Variants in FLOT2 observed in about 807,000 individuals in gnomAD.
FLOT2 encodes flotillin-2.
In FLOT2, 35 loss-of-function variants were observed where a neutral mutation model predicts 54.9. The observed-to-expected ratio is 0.64, with a 90% CI of 0.49 to 0.84. The LOEUF is 0.84. Ranked by LOEUF, FLOT2 falls within the 40% of genes least tolerant of loss-of-function variation. The pLI is 0.00. For synonymous variants in FLOT2, 207 were observed against 228.9 expected (o/e 0.90, Z 0.86); for missense variants, 464 against 572.1 (o/e 0.81, Z 1.93).
Position 28,884,228 on chromosome 17 carries a change from G to A in FLOT2, c.219C>T (p.Ala73=). 6.2e-7 allele frequency: 1 copy of A among 1,611,354 alleles called. No homozygotes were observed. The highest frequency in any genetic ancestry group is 1.1e-5 in the South Asian group (1 of 91,046). The change falls in exon 3 of 11, where the codon GCC becomes GCT. Residue 73 remains alanine (A), a synonymous_variant. Transcript: ENST00000394908. The surrounding 1 kb of genome is among the most constrained non-coding windows in gnomAD (Gnocchi z 5.1). ...EGVALTVTGV[A]QVKIMTEKEL... is the part of the protein sequence containing the mutation. ...CAGGGCTGCTGAGTTACTATACCTG[G>A]GCGACACCCGTCACAGTTAAAGCTA...
chr17:28,891,431 C>T (rs996594966), intron 1 of FLOT2, among the ~76,000 whole-genome samples: 3 of 152,200 alleles, frequency 2.0e-5, no homozygotes, highest in Non-Finnish European at 4.4e-5. Context: ...GAGAAACACA[C>T]ACCACTTTGC....
intron 8 of FLOT2, 24 bp downstream of exon 8, chr17:28,881,790 C>T (rs769732034): frequency 1.2e-6 from 2 of 1,608,620 alleles, no homozygotes; most frequent in Admixed American, 3.3e-5. Flanking sequence ...TAAGCCCTGA[C>T]CCCGGCACCT....
At chr17:28,885,698 AG>A (rs138582011) in intron 2 of FLOT2, 3 of 719,040 alleles carry the variant, frequency 4.2e-6, no homozygotes, top group Non-Finnish European at 7.8e-6. Context: ...GGGGATGTAC[AG>A]GGATCCATCC....
chr17:28,881,784 C>T (rs2039452591), intron 8 of FLOT2, 30 bp downstream of exon 8: 2 of 1,604,670 alleles, frequency 1.2e-6, no homozygotes, highest in African/African-American at 1.3e-5. Flanking sequence ...CCTGACTAAG[C>T]CCTGACCCCG....
In FLOT2 at chr17:28,897,605, C is replaced by A. The variant is rs944573578; in HGVS notation, c.-31G>T. 1 of 1,551,458 alleles carries A rather than the reference C, an allele frequency of 6.4e-7. No individual in the cohort carries two copies. ...CGGCGGCACGGAGGGCCCTCGGGACCGCACAGACCCGGACAACAGCAGCGG... is the reference window on the plus strand; with the variant it reads ...CGGCGGCACGGAGGGCCCTCGGGACAGCACAGACCCGGACAACAGCAGCGG... On this transcript the variant is annotated 5_prime_UTR_variant, in exon 1 of 11. Coordinates refer to ENST00000394908, the MANE Select transcript of FLOT2 (RefSeq NM_004475.3). The surrounding 1 kb of genome is among the most constrained non-coding windows in gnomAD (Gnocchi z 4.4).
At chr17:28,896,476 G>A (rs1026470927) in intron 1 of FLOT2, among the ~76,000 whole-genome samples, 2 of 152,152 alleles carry the variant, frequency 1.3e-5, no homozygotes, top group Admixed American at 6.5e-5. Flanking sequence ...CTTCAGGGGG[G>A]TAGGGTACTT....
chr17:28,894,001 A>G (rs952327440), intron 1 of FLOT2, among the ~76,000 whole-genome samples: 3 of 152,210 alleles, frequency 2.0e-5, no homozygotes, highest in African/African-American at 4.8e-5. Flanking sequence ...CTCCCAGCTG[A>G]ATAAAGCCCT....
At chr17:28,886,441 T>A (rs887018535) in intron 2 of FLOT2, among the ~76,000 whole-genome samples, 1 of 152,182 alleles carries the variant, frequency 6.6e-6, no homozygotes, top group African/African-American at 2.4e-5. Flanking sequence ...GTCTGCACTA[T>A]CTATCACTAA....
chr17:28,881,476 T>A lies in FLOT2; in HGVS notation c.915-101A>T, dbSNP rs2039446852. 5.6e-6 allele frequency: 7 copies of A among 1,252,062 alleles called. 1 individual carries two copies. The South Asian group carries it at 9.2e-5, about 16-fold the overall frequency. The allele number at this position is 1,252,062 out of a possible 1,614,324, so 77.6% of individuals were successfully genotyped here. The stretch of plus-strand genomic sequence containing the variant: ...CCTTCAAACCCTCTGCTCTGGGGGC[T>A]GTCGGGGTGGGAGACATTGGAACGG... On this transcript the variant is annotated intron_variant, in intron 8 of 10. Transcript: ENST00000394908.
intron 1 of FLOT2, among the ~76,000 whole-genome samples, chr17:28,895,482 C>T (rs1312068583): frequency 2.6e-5 from 4 of 152,076 alleles, no homozygotes; most frequent in African/African-American, 9.7e-5. Flanking sequence ...AGAACGGTCT[C>T]CAACTCCTGA....
At chr17:28,881,088 T>G (rs950144895) in intron 9 of FLOT2, 104 bp downstream of exon 9, 41 of 1,151,460 alleles carry the variant, frequency 3.6e-5, no homozygotes, top group Non-Finnish European at 5.0e-5. Context: ...CTTCTAGCCA[T>G]CTGTCCCTGT....
chr17:28,887,462 G>A (rs886684880), intron 2 of FLOT2, among the ~76,000 whole-genome samples: 1 of 152,208 alleles, frequency 6.6e-6, no homozygotes, highest in African/African-American at 2.4e-5. Flanking sequence ...TAGAGCCTGG[G>A]TGTGAGGTCG....
chr17:28,888,218 G>T (rs193007437), intron 2 of FLOT2, among the ~76,000 whole-genome samples: 1 of 152,376 alleles, frequency 6.6e-6, no homozygotes, highest in Admixed American at 6.5e-5. Flanking sequence ...AAGGTAGCTG[G>T]CGTGCCTCAT....
rs1598091094 is a variant in FLOT2 at position 28,883,611 on chromosome 17, G to A, written c.223-380C>T. On this transcript the variant is annotated intron_variant, in intron 3 of 10. Coordinates refer to ENST00000394908, the MANE Select transcript of FLOT2 (RefSeq NM_004475.3). This position sits in a 1 kb window ranked among gnomAD's most constrained non-coding sequence, Gnocchi z 5.0. ...AAGCAGAATGAGCAATAGGGACACA[G>A]ACAGAGAAGGAAAGAGCCTGGACAG... 6.6e-6 allele frequency among the ~76,000 whole-genome samples: 1 copy of A among 152,210 alleles called. No homozygotes were observed. The highest frequency in any genetic ancestry group is 6.5e-5 in the Admixed American group (1 of 15,280).
In FLOT2 at chr17:28,884,326, A is replaced by G; in HGVS notation, c.132-11T>C. Reference sequence around the variant, plus strand: ...ATCTCTAGGGAAATCCTGCCAAGAAACGCAAAACAGGGGCATGGGTCTGGG... The same window carrying G: ...ATCTCTAGGGAAATCCTGCCAAGAAGCGCAAAACAGGGGCATGGGTCTGGG... On this transcript the variant is annotated splice_polypyrimidine_tract_variant and intron_variant, in intron 2 of 10. Coordinates refer to ENST00000394908, the MANE Select transcript of FLOT2 (RefSeq NM_004475.3). This position sits in a 1 kb window ranked among gnomAD's most constrained non-coding sequence, Gnocchi z 5.1. 1 of 1,593,118 alleles carries G rather than the reference A, an allele frequency of 6.3e-7. No individual in the cohort carries two copies. Among genetic ancestry groups the G allele is most frequent in the Non-Finnish European group, 8.6e-7 (1 of 1,164,742 alleles).
intron 2 of FLOT2, chr17:28,885,924 A>G: frequency 6.5e-7 from 1 of 1,550,364 alleles, no homozygotes; most frequent in African/African-American, 1.4e-5. Context: ...GCGACACAGG[A>G]TGGTCATAAC....
In FLOT2 at chr17:28,883,177, C is replaced by T. The variant is rs1222548241; in HGVS notation, c.277G>A (p.Gly93Ser). ...TTTTTGATGTCCTGCACATTCTTACCCAGAAACTGCTCACAAGCCACGGCC... is the reference window on the plus strand; with the variant it reads ...TTTTTGATGTCCTGCACATTCTTACTCAGAAACTGCTCACAAGCCACGGCC... Reference protein sequence around the residue: ...LLAVACEQFLGKNVQDIKNVV... With the variant: ...LLAVACEQFLSKNVQDIKNVV... The change falls in exon 4 of 11, where the codon GGT (glycine) becomes AGT (serine). Residue 93 changes from glycine (G) to serine (S), a missense_variant. By Grantham distance (56) the Gly-to-Ser change is moderately conservative. Coordinates refer to ENST00000394908, the MANE Select transcript of FLOT2 (RefSeq NM_004475.3). This position sits in a 1 kb window ranked among gnomAD's most constrained non-coding sequence, Gnocchi z 5.0. 6.2e-7 allele frequency: 1 copy of T among 1,614,106 alleles called. No homozygotes were observed. The highest frequency in any genetic ancestry group is 8.5e-7 in the Non-Finnish European group (1 of 1,180,008).
At chr17:28,886,066 G>GGGGGGGGT in intron 2 of FLOT2, 1 of 588,928 alleles carries the variant, frequency 1.7e-6, no homozygotes, top group South Asian at 1.6e-5. Flanking sequence ...GGCGGGGGGG[G>GGGGGGGGT]GCATGCTGTC....
At chr17:28,885,171 G>GT (rs1157701548) in intron 2 of FLOT2, among the ~76,000 whole-genome samples, 1 of 152,186 alleles carries the variant, frequency 6.6e-6, no homozygotes, top group African/African-American at 2.4e-5. Context: ...TTCCACACAA[G>GT]GTGCTCCAAG....
Sources: allele counts gnomAD v4.1 joint callset (sites outside exome capture counted in the v4.1 genomes callset), GRCh38; gene constraint gnomAD v4.1.1; non-coding constraint Gnocchi (gnomAD v3.1); transcripts MANE v1.5; gene names NCBI Gene and HGNC (gene_info 2026-07-23, HGNC 2026-07-21).